The following CLIP4 variants were observed in gnomAD, a reference collection of about 807,000 sequenced individuals.
CLIP4 encodes CAP-Gly domain-containing linker protein 4.
Under a neutral mutation model 73.1 loss-of-function variants are expected in CLIP4, and 47 were observed. The ratio of observed to expected loss-of-function variants is 0.64; its 90% CI spans 0.51 to 0.82. CLIP4 has a LOEUF of 0.82. CLIP4 is among the 40% of genes least tolerant of loss of function. The pLI, the probability that CLIP4 is intolerant of heterozygous loss-of-function variation, is 0.00. For synonymous variants in CLIP4, 306 were observed against 295.4 expected (o/e 1.04, Z -0.37); for missense variants, 874 against 852.9 (o/e 1.02, Z -0.31).
chr2:29,143,233 A>G (rs975740087), intron 6 of CLIP4, among the ~76,000 whole-genome samples: 7 of 152,148 alleles, frequency 4.6e-5, no homozygotes, highest in Non-Finnish European at 1.0e-4. Context: ...ACCGCTCCCC[A>G]CATGGACGCC....
intron 13 of CLIP4, among the ~76,000 whole-genome samples, chr2:29,164,952 C>T (rs921160598): frequency 6.6e-6 from 1 of 152,096 alleles, no homozygotes; most frequent in Admixed American, 6.6e-5. Context: ...TTCATTTGAT[C>T]CTAATATTGA....
At chr2:29,135,496 T>C (rs545440280) in intron 5 of CLIP4, 52 bp from the exon 6 acceptor site, 4 of 1,343,736 alleles carry the variant, frequency 3.0e-6, no homozygotes, top group East Asian at 4.9e-5. Context: ...TTTTAAATTA[T>C]GATAGCTAAG....
chr2:29,142,635 C>G (rs1192987921), intron 6 of CLIP4, among the ~76,000 whole-genome samples: 3 of 152,152 alleles, frequency 2.0e-5, no homozygotes. Context: ...AAGGACCAAC[C>G]TGACTTGAAT....
chr2:29,098,426 C>T lies in CLIP4; in HGVS notation c.-16+479C>T, dbSNP rs551274466. 2.6e-4 allele frequency among the ~76,000 whole-genome samples: 40 copies of T among 152,344 alleles called. No homozygotes were observed. In the East Asian group the frequency reaches 4.4e-3, roughly 17 times the overall value. ...TCATCCTTCCCGCTCTCTTTCCCAGCCCTGACAACCACTGATCATTTTACG... is the reference window on the plus strand; with the variant it reads ...TCATCCTTCCCGCTCTCTTTCCCAGTCCTGACAACCACTGATCATTTTACG... On this transcript the variant is annotated intron_variant, in intron 1 of 14. Coordinates refer to the CLIP4 transcript ENST00000401605.
chr2:29,137,768 A>G (rs1034148738), intron 6 of CLIP4, among the ~76,000 whole-genome samples: 3 of 152,156 alleles, frequency 2.0e-5, no homozygotes, highest in African/African-American at 7.2e-5. Flanking sequence ...TCTGATGATT[A>G]GTGACGTTGA....
chr2:29,162,897 A>G (rs992632271), intron 12 of CLIP4, among the ~76,000 whole-genome samples: 10 of 152,222 alleles, frequency 6.6e-5, no homozygotes, highest in African/African-American at 2.4e-4. Context: ...GTAATCTGGA[A>G]GAAACACTAT....
chr2:29,152,986 T>C (rs891309868), intron 9 of CLIP4, among the ~76,000 whole-genome samples, 158 bp downstream of exon 9: 6 of 152,248 alleles, frequency 3.9e-5, no homozygotes, highest in African/African-American at 1.2e-4. Flanking sequence ...TCAATTTTAA[T>C]GACTTCAGTT....
chr2:29,155,176 T>C (rs978943003), intron 9 of CLIP4, among the ~76,000 whole-genome samples: 9 of 152,196 alleles, frequency 5.9e-5, no homozygotes, highest in Non-Finnish European at 1.2e-4. Context: ...TGCACACCTG[T>C]AGTCCCAGCT....
At chr2:29,139,886 TTAGC>T (rs1665638359) in intron 6 of CLIP4, among the ~76,000 whole-genome samples, 1 of 152,050 alleles carries the variant, frequency 6.6e-6, no homozygotes, top group Non-Finnish European at 1.5e-5. Context: ...TCTTTTTTCT[TTAGC>T]TAGCAGTCTG....
intron 14 of CLIP4, among the ~76,000 whole-genome samples, chr2:29,168,589 C>G (rs1667786388): frequency 8.5e-6 from 1 of 118,240 alleles, no homozygotes; most frequent in African/African-American, 3.3e-5. Context: ...GTGGTGCGAT[C>G]TTGGCTCACC....
chr2:29,162,747 G>C (rs1667370517), intron 12 of CLIP4, among the ~76,000 whole-genome samples: 1 of 152,144 alleles, frequency 6.6e-6, no homozygotes, highest in Non-Finnish European at 1.5e-5. Context: ...CGTTAGTGCA[G>C]CTTAACAATA....
intron 7 of CLIP4, 128 bp from the exon 8 acceptor site, chr2:29,145,104 G>A (rs1475630052): frequency 2.5e-5 from 18 of 706,528 alleles, no homozygotes; most frequent in Admixed American, 3.0e-5. Flanking sequence ...TTGAGAGAGC[G>A]AATTTTTAAA....
chr2:29,181,841 G>A lies in CLIP4; in HGVS notation c.2066G>A (p.Arg689Lys), dbSNP rs1171761467. The A allele has an allele frequency of 6.2e-7, 1 of 1,613,992 alleles. No individual in the cohort carries two copies. Among genetic ancestry groups the A allele is most frequent in the African/African-American group, 1.3e-5 (1 of 74,932 alleles). ...PNHGVLVRPS[R>K]VTYRGINGSK... is the part of the protein sequence containing the mutation. ...CATGGAGTCTTAGTTCGACCGAGCA[G>A]AGTGACCTATCGGGGAATTAATGGG... Residue 689 changes from arginine (R) to lysine (K), a missense_variant, in exon 16 of 16, where the codon AGA becomes AAA. By Grantham distance (26) the Arg-to-Lys change is conservative. Transcript: ENST00000320081.
chr2:29,168,512 C>CTTTTTTTTTTTTTT (rs35201336), intron 14 of CLIP4, among the ~76,000 whole-genome samples: 1 of 66,760 alleles, frequency 1.5e-5, no homozygotes, highest in Non-Finnish European at 2.8e-5. Flanking sequence ...ATGGTTTGCC[C>CTTTTTTTTTTTTTT]TTTTTTTTTT....
intron 8 of CLIP4, among the ~76,000 whole-genome samples, chr2:29,148,981 TTC>T (rs146178385): frequency 0.01 from 1,531 of 152,302 alleles, 31 homozygotes; most frequent in African/African-American, 0.034. Flanking sequence ...GGATTTCATA[TTC>T]TCTCAGTATA....
chr2:29,121,525 T>C lies in CLIP4; in HGVS notation c.133+4T>C. 5 of 1,613,064 alleles carry C rather than the reference T, an allele frequency of 3.1e-6. No homozygotes were observed. Among genetic ancestry groups the C allele is most frequent in the African/African-American group, 1.3e-5 (1 of 75,020 alleles). On this transcript the variant is annotated splice_donor_region_variant and intron_variant, in intron 2 of 15. Coordinates refer to ENST00000320081, the MANE Select transcript of CLIP4 (RefSeq NM_024692.6). ...GCACCAATGCCTTCAGACTGTGGTA[T>C]GTGAAGTAGCTGTGCTTATTTTCTG...
chr2:29,118,785 G>T (rs1664052675), intron 1 of CLIP4, among the ~76,000 whole-genome samples: 1 of 152,094 alleles, frequency 6.6e-6, no homozygotes. Context: ...CTCCGAAAGT[G>T]CTGGGATTAC....
intron 13 of CLIP4, among the ~76,000 whole-genome samples, chr2:29,165,809 C>G (rs1667571941): frequency 6.6e-6 from 1 of 152,114 alleles, no homozygotes; most frequent in Non-Finnish European, 1.5e-5. Flanking sequence ...TGGTTTTATG[C>G]TGTAACAGCT....
chr2:29,140,617 ATGG>A (rs1197833405), intron 6 of CLIP4, among the ~76,000 whole-genome samples: 1 of 152,194 alleles, frequency 6.6e-6, no homozygotes. Context: ...GCTGGGTCAA[ATGG>A]TATTTCTAGT....
Sources: allele counts gnomAD v4.1 joint callset (sites outside exome capture counted in the v4.1 genomes callset), GRCh38; gene constraint gnomAD v4.1.1; transcripts MANE v1.5; gene names NCBI Gene and HGNC (gene_info 2026-07-23, HGNC 2026-07-21).